Variants in WNT7B observed in about 807,000 individuals in gnomAD.
WNT7B encodes the protein protein Wnt-7b.
WNT7B carries 19 observed loss-of-function variants against 38.2 expected under a neutral mutation model. That is an observed-to-expected ratio of 0.50 (90% CI 0.35 to 0.73). The LOEUF (loss-of-function observed/expected upper bound fraction) is 0.73, where lower values mean the gene tolerates loss of function less well. Among genes scored for constraint, WNT7B ranks in the 30% least tolerant of loss-of-function variants. The probability of loss-of-function intolerance (pLI) is 0.01; values close to 1 mark genes in which losing one functional copy is unlikely to be tolerated. For synonymous variants in WNT7B, 243 were observed against 209.3 expected, an observed-to-expected ratio of 1.16 and a Z score of -1.39; for missense variants, 423 against 507.9, an observed-to-expected ratio of 0.83 and a Z score of 1.61.
chr22:45,927,286 T>G (rs368340440), intron 3 of WNT7B: 1 of 985,270 alleles, frequency 1.0e-6, no homozygotes. Context: ...CGGCAGCCCA[T>G]TAAAGGTCAC....
chr22:45,961,632 G>T (rs1305980099), intron 1 of WNT7B, among the ~76,000 whole-genome samples: 1 of 151,788 alleles, frequency 6.6e-6, no homozygotes, highest in East Asian at 2.0e-4. Context: ...GTGGGGGGTG[G>T]GCAAGGACGG....
chr22:45,932,554 A>C (rs1646214556), intron 2 of WNT7B, among the ~76,000 whole-genome samples: 1 of 152,156 alleles, frequency 6.6e-6, no homozygotes, highest in African/African-American at 2.4e-5. Context: ...GGGCAGGTTC[A>C]GCTCTCATTT....
intron 2 of WNT7B, among the ~76,000 whole-genome samples, chr22:45,944,662 A>G (rs1726503180): frequency 6.6e-6 from 1 of 152,154 alleles, no homozygotes; most frequent in Non-Finnish European, 1.5e-5. Flanking sequence ...CCAGCACGAG[A>G]CTGGGCCCAG....
intron 3 of WNT7B, among the ~76,000 whole-genome samples, chr22:45,927,804 G>C (rs939619271): frequency 6.6e-6 from 1 of 152,238 alleles, no homozygotes; most frequent in African/African-American, 2.4e-5. Flanking sequence ...GCTGAGGCAG[G>C]AGAATTGCTT....
At chr22:45,929,292 A>C (rs1470429109) in intron 3 of WNT7B, among the ~76,000 whole-genome samples, 2 of 152,104 alleles carry the variant, frequency 1.3e-5, no homozygotes, top group Non-Finnish European at 2.9e-5. Flanking sequence ...GTACCTGGAG[A>C]CTAGTGCTCA....
chr22:45,975,125 T>G lies in WNT7B; in HGVS notation c.71+1559A>C, dbSNP rs1017571687. ...ATTCTGAGGACAGTGACTTAGGTCC[T>G]GTGCCCAGTTTCCTAATCCTTGAAT... On this transcript the variant is annotated intron_variant, in intron 1 of 3. Transcript: ENST00000339464. The surrounding 1 kb of genome is among the most constrained non-coding windows in gnomAD (Gnocchi z 6.6). Among the ~76,000 whole-genome samples, 14 of 152,174 alleles carry G rather than the reference T, an allele frequency of 9.2e-5. No individual in the cohort carries two copies. Among genetic ancestry groups the G allele is most frequent in the African/African-American group, 3.4e-4 (14 of 41,442 alleles).
intron 1 of WNT7B, among the ~76,000 whole-genome samples, chr22:45,957,682 C>CAAAAAAAAAAAAAAAAAAAA (rs367797133): frequency 2.8e-5 from 1 of 36,012 alleles, no homozygotes; most frequent in African/African-American, 9.6e-5. Context: ...GACTCCGTCT[C>CAAAAAAAAAAAAAAAAAAAA]AAAAAAAAAA....
chr22:45,961,858 G>T (rs556189345), intron 1 of WNT7B, among the ~76,000 whole-genome samples: 1 of 152,294 alleles, frequency 6.6e-6, no homozygotes, highest in South Asian at 2.1e-4. Context: ...ACTGGCTCTC[G>T]CTGGCCTCCC....
chr22:45,947,690 A>C (rs1931829528), intron 2 of WNT7B, among the ~76,000 whole-genome samples: 1 of 152,184 alleles, frequency 6.6e-6, no homozygotes, highest in African/African-American at 2.4e-5. Context: ...AAGAAGGGGA[A>C]AAGTTGACAC....
chr22:45,931,167 C>G lies in WNT7B; in HGVS notation c.501G>C (p.Val167=), dbSNP rs1395874039. 1 of 1,599,380 alleles carries G rather than the reference C, an allele frequency of 6.3e-7. No homozygotes were observed. The highest frequency in any genetic ancestry group is 1.7e-5 in the Admixed American group (1 of 59,980). Residue 167 remains valine (V), a synonymous_variant, in exon 3 of 4, where the codon GTG becomes GTC. Transcript: ENST00000339464. ...RYGIDFSRRF[V]DAREIKKNAR... The stretch of plus-strand genomic sequence containing the variant: ...CGTTCTTCTTGATCTCCCGAGCGTC[C>G]ACGAAGCGCCGGGAGAAGTCGATGC...
intron 2 of WNT7B, among the ~76,000 whole-genome samples, chr22:45,934,011 G>A (rs530781184): frequency 7.9e-5 from 12 of 152,366 alleles, no homozygotes; most frequent in Admixed American, 4.6e-4. Flanking sequence ...CAGCAACAGC[G>A]TAGCCCACCC....
intron 3 of WNT7B, among the ~76,000 whole-genome samples, chr22:45,924,337 A>G (rs1480512357): frequency 6.6e-6 from 1 of 152,214 alleles, no homozygotes; most frequent in East Asian, 1.9e-4. Flanking sequence ...GAGTACAAGA[A>G]AAAGAGGGAG....
intron 2 of WNT7B, among the ~76,000 whole-genome samples, chr22:45,949,468 C>T (rs1288467418): frequency 6.6e-6 from 1 of 152,164 alleles, no homozygotes; most frequent in Non-Finnish European, 1.5e-5. Context: ...ACTTCCTGTG[C>T]CCCAACTACC....
chr22:45,970,097 G>C (rs574641991), intron 1 of WNT7B, among the ~76,000 whole-genome samples: 5 of 152,306 alleles, frequency 3.3e-5, no homozygotes, highest in East Asian at 1.9e-4. Context: ...CAAACAAACC[G>C]GGCAAGGGAA....
At chr22:45,945,680 G>A (rs929103168) in intron 2 of WNT7B, among the ~76,000 whole-genome samples, 5 of 152,194 alleles carry the variant, frequency 3.3e-5, no homozygotes, top group African/African-American at 4.8e-5. Context: ...CCCGCAGGGC[G>A]GCAGGTGCAC....
At chr22:45,933,959 A>C (rs557146726) in intron 2 of WNT7B, among the ~76,000 whole-genome samples, 1 of 152,338 alleles carries the variant, frequency 6.6e-6, no homozygotes, top group South Asian at 2.1e-4. Flanking sequence ...TTGTCTGGCC[A>C]CACAGGCGTG....
At chr22:45,930,623 G>A (rs751996272) in intron 3 of WNT7B, among the ~76,000 whole-genome samples, 10 of 152,152 alleles carry the variant, frequency 6.6e-5, no homozygotes, top group South Asian at 2.1e-4. Context: ...AGCAGCCCCC[G>A]GCTCACAGCT....
rs917190920 is a variant in WNT7B at position 45,976,194 on chromosome 22, G to A, written c.71+490C>T. On this transcript the variant is annotated intron_variant, in intron 1 of 3. Coordinates refer to ENST00000339464, the MANE Select transcript of WNT7B (RefSeq NM_058238.3). The surrounding 1 kb of genome is among the most constrained non-coding windows in gnomAD (Gnocchi z 8.5). Reference sequence around the variant, plus strand: ...GTCTGGGTGATGGATAGAGACGAAGGGCCGCGGCGGGTGCCCCGGCCTGCG... The same window carrying A: ...GTCTGGGTGATGGATAGAGACGAAGAGCCGCGGCGGGTGCCCCGGCCTGCG... Among the ~76,000 whole-genome samples, 3 of 146,092 alleles carry A rather than the reference G, an allele frequency of 2.1e-5. No individual in the cohort carries two copies. Among genetic ancestry groups the A allele is most frequent in the African/African-American group, 4.9e-5 (2 of 40,788 alleles).
chr22:45,929,813 C>T lies in WNT7B; in HGVS notation c.570+1285G>A, dbSNP rs551060212. On this transcript the variant is annotated intron_variant, in intron 3 of 3. Transcript: ENST00000339464. ...CGATCCACTCAACCATCTACCCATC[C>T]ATCTATCTTCCCATGCACTCTTCTA... Among the ~76,000 whole-genome samples the T allele has an allele frequency of 7.3e-5, 11 of 150,696 alleles. No individual in the cohort carries two copies. The South Asian group carries it at 1.7e-3, about 23-fold the overall frequency.
Sources: allele counts gnomAD v4.1 joint callset (sites outside exome capture counted in the v4.1 genomes callset), GRCh38; gene constraint gnomAD v4.1.1; non-coding constraint Gnocchi (gnomAD v3.1); transcripts MANE v1.5; gene names NCBI Gene and HGNC (gene_info 2026-07-23, HGNC 2026-07-21).